The following GRM8 variants were observed in gnomAD, a reference collection of about 807,000 sequenced individuals.
The protein encoded by GRM8 is metabotropic glutamate receptor 8.
Under a neutral mutation model 87.2 loss-of-function variants are expected in GRM8, and 47 were observed. The observed-to-expected ratio is 0.54, with a 90% CI of 0.43 to 0.69. GRM8 has a LOEUF of 0.69. Ranked by LOEUF, GRM8 falls within the 30% of genes least tolerant of loss-of-function variation. The pLI, the probability that GRM8 is intolerant of heterozygous loss-of-function variation, is 0.00. For synonymous variants in GRM8, 396 were observed against 404.5 expected (o/e 0.98, Z 0.25); for missense variants, 1,019 against 1,139.2 (o/e 0.89, Z 1.52).
intron 7 of GRM8, among the ~76,000 whole-genome samples, chr7:126,639,065 A>C (rs932506644): frequency 2.6e-5 from 4 of 152,174 alleles, no homozygotes; most frequent in Non-Finnish European, 5.9e-5. Context: ...AAATTGCTCA[A>C]GCACTTCAAA....
intron 8 of GRM8, among the ~76,000 whole-genome samples, chr7:126,534,561 G>A (rs989926067): frequency 1.3e-5 from 2 of 152,090 alleles, no homozygotes; most frequent in Non-Finnish European, 2.9e-5. Flanking sequence ...GTGGCCCTAT[G>A]GTGATTTAAA....
At position 126,738,141 on chromosome 7, in the gene GRM8, A is replaced by G. The variant is rs112560924; in HGVS notation, c.1357+31724T>C. On this transcript the variant is annotated intron_variant, in intron 7 of 10. Transcript: ENST00000339582. ...ATCACAAAGTCCAGCATAGCCAGAG[A>G]AAAGGGCACATACAGTACAAAGACA... 2.3e-3 allele frequency among the ~76,000 whole-genome samples: 347 copies of G among 152,222 alleles called. 1 individual carries two copies. Among genetic ancestry groups the G allele is most frequent in the African/African-American group, 7.7e-3 (320 of 41,564 alleles).
intron 8 of GRM8, among the ~76,000 whole-genome samples, chr7:126,592,731 C>T (rs1405646339): frequency 6.6e-6 from 1 of 151,904 alleles, no homozygotes; most frequent in Middle Eastern, 3.4e-3. Context: ...CGCTTTTTCT[C>T]TAAGATCTAG....
At chr7:127,096,850 A>T (rs76187727) in intron 3 of GRM8, among the ~76,000 whole-genome samples, 308 of 152,210 alleles carry the variant, frequency 2.0e-3, no homozygotes, top group African/African-American at 6.9e-3. Flanking sequence ...AGCAATAAAA[A>T]CTTGAACTCT....
chr7:127,042,690 G>A (rs1482678963), intron 3 of GRM8, among the ~76,000 whole-genome samples: 1 of 152,132 alleles, frequency 6.6e-6, no homozygotes, highest in Admixed American at 6.5e-5. Context: ...TTCCATTCAG[G>A]ACATAGGCAT....
At chr7:126,444,492 C>T (rs559490685) in intron 10 of GRM8, among the ~76,000 whole-genome samples, 5 of 152,052 alleles carry the variant, frequency 3.3e-5, no homozygotes. Flanking sequence ...GTTCATTTCT[C>T]TACACGTGAC....
intron 6 of GRM8, among the ~76,000 whole-genome samples, chr7:126,883,746 A>T (rs955146094): frequency 4.6e-5 from 7 of 152,176 alleles, no homozygotes; most frequent in Non-Finnish European, 1.0e-4. Context: ...TCACAGAGAC[A>T]GACTAAACTT....
intron 8 of GRM8, among the ~76,000 whole-genome samples, chr7:126,566,136 T>A (rs952980998): frequency 2.0e-5 from 3 of 152,210 alleles, no homozygotes; most frequent in Non-Finnish European, 4.4e-5. Context: ...AATGATTTGA[T>A]GAATTTGACA....
At chr7:126,585,510 C>T (rs1796019880) in intron 8 of GRM8, among the ~76,000 whole-genome samples, 1 of 151,878 alleles carries the variant, frequency 6.6e-6, no homozygotes, top group Admixed American at 6.6e-5. Flanking sequence ...AATTAGTTGC[C>T]TGAGTTTAAA....
chr7:126,929,707 T>A (rs1228681567), intron 3 of GRM8, among the ~76,000 whole-genome samples: 1 of 141,746 alleles, frequency 7.1e-6, no homozygotes, highest in Non-Finnish European at 1.5e-5. Context: ...GTGCTGGGAT[T>A]ACAGGCATGA....
intron 6 of GRM8, among the ~76,000 whole-genome samples, chr7:126,872,316 C>T (rs900215056): frequency 8.5e-5 from 13 of 152,128 alleles, no homozygotes; most frequent in Non-Finnish European, 1.9e-4. Context: ...GTTTGAGAAG[C>T]TGGAGGACAC....
chr7:126,582,065 T>A (rs1795665873), intron 8 of GRM8, among the ~76,000 whole-genome samples: 1 of 152,154 alleles, frequency 6.6e-6, no homozygotes, highest in African/African-American at 2.4e-5. Context: ...AAGCTAGAAA[T>A]GATAATATTT....
At chr7:126,947,245 A>G (rs1364727715) in intron 3 of GRM8, among the ~76,000 whole-genome samples, 1 of 152,252 alleles carries the variant, frequency 6.6e-6, no homozygotes. Context: ...ATATGAACAT[A>G]AAGAGTAATC....
intron 6 of GRM8, among the ~76,000 whole-genome samples, chr7:126,806,602 GC>G (rs1466196433): frequency 1.3e-5 from 2 of 152,236 alleles, no homozygotes; most frequent in Admixed American, 1.3e-4. Flanking sequence ...GACACAGAGT[GC>G]TGATTGGTAC....
chr7:126,846,769 T>C (rs1796742327), intron 6 of GRM8, among the ~76,000 whole-genome samples: 1 of 150,912 alleles, frequency 6.6e-6, no homozygotes, highest in Non-Finnish European at 1.5e-5. Context: ...TAAAAGAGAG[T>C]AGAAACAAAA....
chr7:126,485,714 C>G (rs1807277593), intron 9 of GRM8, among the ~76,000 whole-genome samples: 4 of 151,918 alleles, frequency 2.6e-5, no homozygotes, highest in Admixed American at 2.6e-4. Flanking sequence ...ACCTTTTCGG[C>G]CTGAGAACTA....
At chr7:126,464,783 CTAAACTT>C (rs778131569) in intron 9 of GRM8, among the ~76,000 whole-genome samples, 1 of 151,698 alleles carries the variant, frequency 6.6e-6, no homozygotes, top group African/African-American at 2.4e-5. Flanking sequence ...ATTAAAAACT[CTAAACTT>C]TAACTTCATC....
At chr7:126,479,430 G>A (rs1029025596) in intron 9 of GRM8, among the ~76,000 whole-genome samples, 1 of 151,996 alleles carries the variant, frequency 6.6e-6, no homozygotes, top group African/African-American at 2.4e-5. Context: ...ATGTCTCTGT[G>A]TATCTGCCTA....
chr7:126,852,490 TTTATCCTAATTAAA>T (rs1260418426), intron 6 of GRM8, among the ~76,000 whole-genome samples: 4 of 152,170 alleles, frequency 2.6e-5, no homozygotes, highest in African/African-American at 9.7e-5. Context: ...ACCCTTCTCT[TTTATCCTAATTAAA>T]TTATCCTAGT....
Sources: allele counts gnomAD v4.1 joint callset (sites outside exome capture counted in the v4.1 genomes callset), GRCh38; gene constraint gnomAD v4.1.1; transcripts MANE v1.5; gene names NCBI Gene and HGNC (gene_info 2026-07-23, HGNC 2026-07-21).